Variants in NLRP11 observed in about 807,000 individuals in gnomAD.
The protein encoded by NLRP11 is NLR family pyrin domain containing 11, also known as NACHT, LRR and PYD domains-containing protein 11.
NLRP11 carries 53 observed loss-of-function variants against 79.3 expected under a neutral mutation model. The ratio of observed to expected loss-of-function variants is 0.67; its 90% CI spans 0.54 to 0.84. The LOEUF (loss-of-function observed/expected upper bound fraction) is 0.84. Ranked by LOEUF, NLRP11 falls within the 40% of genes least tolerant of loss-of-function variation. NLRP11 has a pLI of 0.00. For synonymous variants in NLRP11, 518 were observed against 462.6 expected (o/e 1.12, Z -1.54); for missense variants, 1,264 against 1,255.0 (o/e 1.01, Z -0.11).
exon 2 of NLRP11, chr19:55,818,062 T>C: frequency 6.2e-7 from 1 of 1,614,164 alleles, no homozygotes; most frequent in South Asian, 1.1e-5. Flanking sequence ...CTGTGGCAGT[T>C]TGAAATCAAG....
At chr19:55,820,301 G>A (rs1429842115) in intron 1 of NLRP11, among the ~76,000 whole-genome samples, 6 of 152,120 alleles carry the variant, frequency 3.9e-5, no homozygotes, top group South Asian at 4.1e-4. Flanking sequence ...AGGTGAAGTC[G>A]AGCAAACTTT....
intron 1 of NLRP11, among the ~76,000 whole-genome samples, chr19:55,831,293 A>T (rs559723148): frequency 6.6e-6 from 1 of 151,704 alleles, no homozygotes; most frequent in African/African-American, 2.4e-5. Flanking sequence ...CGGGTGCAGG[A>T]GCTCACGCCT....
chr19:55,811,970 T>TACACACAC (rs3973377), intron 2 of NLRP11, among the ~76,000 whole-genome samples: 3,396 of 149,182 alleles, frequency 0.023, 107 homozygotes, highest in African/African-American at 0.069. Context: ...TTCACACATG[T>TACACACAC]ACACACACAC....
intron 7 of NLRP11, 120 bp from the exon 8 acceptor site, chr19:55,789,519 A>G: frequency 1.2e-6 from 1 of 863,870 alleles, no homozygotes; most frequent in Non-Finnish European, 1.8e-6. Context: ...CTGCTTACAG[A>G]AACAAGAGCA....
At chr19:55,790,411 C>T (rs1407733890) in intron 7 of NLRP11, among the ~76,000 whole-genome samples, 2 of 152,130 alleles carry the variant, frequency 1.3e-5, no homozygotes, top group Admixed American at 6.5e-5. Flanking sequence ...TAAAACCAGG[C>T]AGAGGGCCAG....
intron 9 of NLRP11, among the ~76,000 whole-genome samples, chr19:55,786,641 A>G (rs1989896542): frequency 6.6e-6 from 1 of 152,340 alleles, no homozygotes; most frequent in Admixed American, 6.5e-5. Context: ...CCCTCTCTGC[A>G]TGTGAGTGTC....
At chr19:55,822,417 G>A (rs1458947032) in intron 1 of NLRP11, among the ~76,000 whole-genome samples, 1 of 152,204 alleles carries the variant, frequency 6.6e-6, no homozygotes, top group Non-Finnish European at 1.5e-5. Context: ...GAGCCAAGAT[G>A]GCCGAATAGG....
At chr19:55,817,680 G>C (rs1981268558) in intron 2 of NLRP11, among the ~76,000 whole-genome samples, 1 of 152,128 alleles carries the variant, frequency 6.6e-6, no homozygotes, top group Non-Finnish European at 1.5e-5. Flanking sequence ...GGAAGTGTGA[G>C]AGGGAGGTGA....
At chr19:55,786,951 G>C (rs962510711) in intron 9 of NLRP11, among the ~76,000 whole-genome samples, 1 of 152,130 alleles carries the variant, frequency 6.6e-6, no homozygotes, top group Non-Finnish European at 1.5e-5. Context: ...TTATCACTTA[G>C]AGATGACAAG....
chr19:55,801,837 C>A, intron 4 of NLRP11, 98 bp from the exon 5 acceptor site: 1 of 968,308 alleles, frequency 1.0e-6, no homozygotes, highest in Non-Finnish European at 1.6e-6. Flanking sequence ...AACAAAGATT[C>A]TCAGTGGATT....
At chr19:55,822,180 C>T (rs1981808805) in intron 1 of NLRP11, among the ~76,000 whole-genome samples, 1 of 152,172 alleles carries the variant, frequency 6.6e-6, no homozygotes, top group Non-Finnish European at 1.5e-5. Context: ...AGGAGAATCA[C>T]TTGAACCTGG....
rs774553005 is a variant in NLRP11 at position 55,810,358 on chromosome 19, G to A, written c.272-20C>T. 1.9e-6 allele frequency: 3 copies of A among 1,575,978 alleles called. No individual in the cohort carries two copies. The highest frequency in any genetic ancestry group is 1.2e-5 in the South Asian group (1 of 84,864). ...GATTGCCTAATCCAGCGAGTACAGGGCAGAAAATACAGAACAAAGATGAAA... is the reference window on the plus strand; with the variant it reads ...GATTGCCTAATCCAGCGAGTACAGGACAGAAAATACAGAACAAAGATGAAA... On this transcript the variant is annotated intron_variant, in intron 2 of 9. Transcript: ENST00000589093.
At chr19:55,799,334 A>T (rs771632635) in intron 5 of NLRP11, among the ~76,000 whole-genome samples, 5 of 152,208 alleles carry the variant, frequency 3.3e-5, no homozygotes, top group Non-Finnish European at 7.3e-5. Flanking sequence ...AAATGTTTGT[A>T]AATAAGTACC....
At chr19:55,810,198 A>G (rs778549353) in exon 3 of NLRP11, 7 of 1,614,152 alleles carry the variant, frequency 4.3e-6, no homozygotes, top group Middle Eastern at 1.6e-4. Context: ...TAGCTGGTAG[A>G]ATCATAGGCT....
Position 55,809,624 on chromosome 19 carries a change from T to A in NLRP11, c.986A>T (p.Asp329Val). The A allele has an allele frequency of 2.5e-6, 4 of 1,614,214 alleles. No homozygotes were observed. Among genetic ancestry groups the A allele is most frequent in the Non-Finnish European group, 3.4e-6 (4 of 1,180,040 alleles). ...TCGGCACAGACCCACGAGTATTTCA[T>A]CCTCATGTACAAGCTGGAGGGCTGC... is the stretch of plus-strand genomic sequence containing the variant. Residue 329 changes from aspartate (D) to valine (V), a missense_variant, in exon 3 of 10, where the codon GAT becomes GTT. By Grantham distance (152) the Asp-to-Val change is radical. Transcript: ENST00000589093. This position sits in a 1 kb window ranked among gnomAD's most constrained non-coding sequence, Gnocchi z 4.5.
Position 55,809,894 on chromosome 19 carries a change from T to C in NLRP11, c.716A>G (p.Asn239Ser), listed in dbSNP as rs1260561572. 6.2e-7 allele frequency: 1 copy of C among 1,614,156 alleles called. No homozygotes were observed. The highest frequency in any genetic ancestry group is 8.5e-7 in the Non-Finnish European group (1 of 1,179,992). The change falls in exon 3 of 10, where the codon AAT becomes AGT. Residue 239 changes from asparagine to serine, a missense_variant. By Grantham distance (46) the Asn-to-Ser change is conservative. Transcript: ENST00000589093. The surrounding 1 kb of genome is among the most constrained non-coding windows in gnomAD (Gnocchi z 4.5). ...ACTACACAAAGCACTTTCATTGACATTTAACTCGAATCTTATGTTGTCCAA... is the reference window on the plus strand; with the variant it reads ...ACTACACAAAGCACTTTCATTGACACTTAACTCGAATCTTATGTTGTCCAA...
Position 55,809,678 on chromosome 19 carries a change from G to T in NLRP11, c.932C>A (p.Ser311Tyr), listed in dbSNP as rs765853030. Residue 311 changes from serine (S) to tyrosine (Y), a missense_variant, in exon 3 of 10, where the codon TCT becomes TAT. Coordinates refer to ENST00000589093, the Ensembl canonical transcript of NLRP11. This position sits in a 1 kb window ranked among gnomAD's most constrained non-coding sequence, Gnocchi z 4.5. ...CGCCCTCTGGCGGTCTTTAAAGAAA[G>T]AGTTAAAATATATCTCCCTCTTCCC... is the stretch of plus-strand genomic sequence containing the variant. 12 of 1,614,162 alleles carry T rather than the reference G, an allele frequency of 7.4e-6. No individual in the cohort carries two copies. Among genetic ancestry groups the T allele is most frequent in the Non-Finnish European group, 9.3e-6 (11 of 1,180,024 alleles).
At chr19:55,816,307 G>A (rs1028973303) in intron 2 of NLRP11, among the ~76,000 whole-genome samples, 4 of 152,194 alleles carry the variant, frequency 2.6e-5, no homozygotes, top group African/African-American at 9.7e-5. Flanking sequence ...ATGTAATACA[G>A]GGGTTGATCT....
chr19:55,808,873 C>A, exon 3 of NLRP11: 1 of 1,613,934 alleles, frequency 6.2e-7, no homozygotes, highest in Non-Finnish European at 8.5e-7. Flanking sequence ...ATAATGAGAC[C>A]ATCATATCCT....
Sources: allele counts gnomAD v4.1 joint callset (sites outside exome capture counted in the v4.1 genomes callset), GRCh38; gene constraint gnomAD v4.1.1; non-coding constraint Gnocchi (gnomAD v3.1); transcripts MANE v1.5; gene names NCBI Gene and HGNC (gene_info 2026-07-23, HGNC 2026-07-21).